Variants in EYS observed in about 807,000 individuals in gnomAD.
EYS encodes EGF-like photoreceptor maintenance factor, also known as protein eyes shut homolog.
A neutral mutation model predicts 282.1 loss-of-function variants in EYS; 250 were observed. That is an observed-to-expected ratio of 0.89 (90% CI 0.80 to 0.98). EYS has a LOEUF of 0.98. EYS is among the 50% of genes least tolerant of loss of function. The pLI is 0.00. For synonymous variants in EYS, 1,355 were observed against 1,282.9 expected (o/e 1.06, Z -1.20); for missense variants, 4,016 against 3,709.0 (o/e 1.08, Z -2.15).
At chr6:63,983,680 T>C (rs1207471597) in intron 35 of EYS, among the ~76,000 whole-genome samples, 1 of 151,802 alleles carries the variant, frequency 6.6e-6, no homozygotes, top group Non-Finnish European at 1.5e-5. Context: ...TATTGTAAGT[T>C]GTATCTGTTT....
At chr6:63,779,018 C>T (rs1225414682) in intron 39 of EYS, 3 of 149,844 alleles carry the variant, frequency 2.0e-5, no homozygotes, top group East Asian at 1.9e-4. Context: ...TTGTAATATA[C>T]GGTAAATAAA....
chr6:63,851,853 A>G (rs1581893944), intron 36 of EYS, among the ~76,000 whole-genome samples: 1 of 152,120 alleles, frequency 6.6e-6, no homozygotes, highest in Non-Finnish European at 1.5e-5. Flanking sequence ...AGACACAAAA[A>G]ACCCTTAAAA....
chr6:65,288,066 TTAAA>T (rs1403143688), intron 12 of EYS, among the ~76,000 whole-genome samples: 1 of 151,184 alleles, frequency 6.6e-6, no homozygotes, highest in Non-Finnish European at 1.5e-5. Context: ...GCATTAGTTG[TTAAA>T]TAAAATGAAA....
intron 35 of EYS, among the ~76,000 whole-genome samples, chr6:63,884,451 C>G (rs949125680): frequency 3.3e-5 from 5 of 152,016 alleles, no homozygotes; most frequent in Non-Finnish European, 5.9e-5. Flanking sequence ...AAGAGAGCCT[C>G]CTGGGGTGCT....
intron 19 of EYS, among the ~76,000 whole-genome samples, chr6:64,861,000 G>A (rs56321212): frequency 0.16 from 23,597 of 152,126 alleles, 2,148 homozygotes; most frequent in East Asian, 0.49. Context: ...AAAGCACCAT[G>A]AGTTCCTGCT....
At position 64,165,726 on chromosome 6, in the gene EYS, T is replaced by C. The variant is rs527452454; in HGVS notation, c.6424+64866A>G. ...GCTTTAAAGATGATTCCCATTAATA[T>C]GGCTCCATCAGACCAAAAATCATGG... On this transcript the variant is annotated intron_variant, in intron 31 of 42. Transcript: ENST00000503581. Among the ~76,000 whole-genome samples, 9 of 152,304 alleles carry C rather than the reference T, an allele frequency of 5.9e-5. No homozygotes were observed. In the East Asian group the frequency reaches 1.5e-3, roughly 26 times the overall value.
At chr6:65,180,246 G>C (rs1423321388) in intron 12 of EYS, among the ~76,000 whole-genome samples, 2 of 151,264 alleles carry the variant, frequency 1.3e-5, no homozygotes, top group African/African-American at 4.8e-5. Context: ...TATTCAATTA[G>C]GAAAAGAGAA....
chr6:65,616,715 G>C (rs12213513), intron 2 of EYS, among the ~76,000 whole-genome samples: 54,244 of 151,572 alleles, frequency 0.36, 12,125 homozygotes, highest in Non-Finnish European at 0.49. Flanking sequence ...GAACCCGGGA[G>C]GTCAAGGTTG....
At chr6:64,345,046 A>G (rs1430474856) in intron 29 of EYS, among the ~76,000 whole-genome samples, 3 of 152,240 alleles carry the variant, frequency 2.0e-5, no homozygotes, top group Middle Eastern at 3.4e-3. Context: ...AATGAAATCA[A>G]AGAGGATACA....
chr6:64,642,523 C>T (rs1352436825), intron 22 of EYS, among the ~76,000 whole-genome samples: 1 of 152,154 alleles, frequency 6.6e-6, no homozygotes, highest in Admixed American at 6.5e-5. Context: ...ATAGCCCTTT[C>T]TGTGCTGTGC....
chr6:65,256,047 C>T (rs536414719), intron 12 of EYS, among the ~76,000 whole-genome samples: 1 of 152,048 alleles, frequency 6.6e-6, no homozygotes, highest in South Asian at 2.1e-4. Context: ...ATCTGCATTC[C>T]CGTGCTGCTT....
chr6:65,004,282 T>C (rs1460347455), intron 13 of EYS, among the ~76,000 whole-genome samples: 1 of 147,620 alleles, frequency 6.8e-6, no homozygotes, highest in East Asian at 2.1e-4. Context: ...CACAAAAATA[T>C]AAATGAATTT....
At chr6:64,429,378 C>T (rs1006792225) in intron 28 of EYS, among the ~76,000 whole-genome samples, 1 of 152,136 alleles carries the variant, frequency 6.6e-6, no homozygotes, top group Non-Finnish European at 1.5e-5. Flanking sequence ...GGCCTGTAAT[C>T]CCAGAACTTT....
chr6:64,238,191 C>T (rs1766675309), intron 30 of EYS, among the ~76,000 whole-genome samples: 1 of 152,110 alleles, frequency 6.6e-6, no homozygotes, highest in Non-Finnish European at 1.5e-5. Flanking sequence ...ATTACACAGT[C>T]ACAAATAGGA....
chr6:65,117,185 C>T (rs976002393), intron 12 of EYS, among the ~76,000 whole-genome samples: 2 of 152,198 alleles, frequency 1.3e-5, no homozygotes, highest in South Asian at 4.1e-4. Flanking sequence ...ATTACTTAGC[C>T]TAACCCAAGT....
At chr6:63,827,567 G>A (rs547293589) in intron 36 of EYS, among the ~76,000 whole-genome samples, 60 of 152,232 alleles carry the variant, frequency 3.9e-4, no homozygotes, top group South Asian at 1.2e-3. Context: ...TACATCGGCC[G>A]GGCGCGGTGG....
intron 31 of EYS, among the ~76,000 whole-genome samples, chr6:64,128,787 A>G (rs1398692207): frequency 2.0e-5 from 3 of 152,118 alleles, no homozygotes; most frequent in African/African-American, 7.2e-5. Context: ...AATAATCATT[A>G]TGCTAATGCT....
chr6:65,560,026 T>C (rs1768977237), intron 2 of EYS, among the ~76,000 whole-genome samples: 1 of 150,466 alleles, frequency 6.6e-6, no homozygotes, highest in Non-Finnish European at 1.5e-5. Context: ...TCAGTTTTAG[T>C]TTATGTTTTG....
intron 31 of EYS, among the ~76,000 whole-genome samples, chr6:64,184,298 G>A (rs1764868790): frequency 1.3e-5 from 2 of 152,162 alleles, no homozygotes; most frequent in African/African-American, 4.8e-5. Flanking sequence ...CTACATGAGT[G>A]AATGAATCTT....
Sources: gnomAD v4.1 joint callset for allele counts (sites outside exome capture counted in the v4.1 genomes callset) on GRCh38, gnomAD v4.1.1 for gene constraint, MANE v1.5 for transcripts, NCBI Gene and HGNC (gene_info 2026-07-23, HGNC 2026-07-21) for gene names.